Variants in GALNT17 observed in about 807,000 individuals in gnomAD.
The protein encoded by GALNT17 is UDP-GalNAc:polypeptide N-acetylgalactosaminyltransferase-like 3.
In GALNT17, 29 loss-of-function variants were observed where a neutral mutation model predicts 63.7. The observed-to-expected ratio is 0.46, with a 90% CI of 0.34 to 0.62. GALNT17 has a LOEUF of 0.62. Among genes scored for constraint, GALNT17 ranks in the 20% least tolerant of loss-of-function variants. GALNT17 has a pLI of 0.01. For missense variants in GALNT17, 603 were observed against 799.6 expected (o/e 0.75, Z 2.97); for synonymous variants, 305 against 318.3 (o/e 0.96, Z 0.45).
At chr7:71,192,484 C>G (rs576374435) in intron 1 of GALNT17, among the ~76,000 whole-genome samples, 1 of 151,998 alleles carries the variant, frequency 6.6e-6, no homozygotes, top group East Asian at 1.9e-4. Flanking sequence ...CAGCCTCTGC[C>G]TCCCAGGTTC....
At chr7:71,472,155 G>C (rs1787643027) in intron 5 of GALNT17, among the ~76,000 whole-genome samples, 1 of 152,006 alleles carries the variant, frequency 6.6e-6, no homozygotes, top group Non-Finnish European at 1.5e-5. Context: ...AAAGAGACAA[G>C]AGAGCTCTCT....
chr7:71,581,716 G>A (rs1789637922), intron 6 of GALNT17, among the ~76,000 whole-genome samples: 1 of 152,174 alleles, frequency 6.6e-6, no homozygotes, highest in South Asian at 2.1e-4. Context: ...GCAACTGACT[G>A]CAATCCCCTA....
rs1427866600 is a variant in GALNT17, at chr7:71,265,061, A to G, written c.239-70489A>G. Reference sequence around the variant, plus strand: ...CCCTGACTTGATCATGACACATTTGATGCATGTAACAAAATACCACACGTA... The same window carrying G: ...CCCTGACTTGATCATGACACATTTGGTGCATGTAACAAAATACCACACGTA... On this transcript the variant is annotated intron_variant, in intron 1 of 10. Transcript: ENST00000333538. Among the ~76,000 whole-genome samples, 19 of 141,772 alleles carry G rather than the reference A, an allele frequency of 1.3e-4. No individual in the cohort carries two copies. In the East Asian group the frequency reaches 3.7e-3, roughly 27 times the overall value. 93.0% of individuals were successfully genotyped at this position (141,772 alleles called of 152,430 possible). A position where few individuals can be genotyped will look rare whatever the true frequency, so the allele number is the denominator to read the frequency against.
At chr7:71,347,827 A>G (rs1169366908) in intron 2 of GALNT17, among the ~76,000 whole-genome samples, 1 of 152,118 alleles carries the variant, frequency 6.6e-6, no homozygotes, top group Non-Finnish European at 1.5e-5. Context: ...AGACTTTGTG[A>G]AAGTTGGAGG....
intron 9 of GALNT17, among the ~76,000 whole-genome samples, chr7:71,683,172 C>A (rs1399422206): frequency 6.6e-6 from 1 of 152,146 alleles, no homozygotes; most frequent in Non-Finnish European, 1.5e-5. Flanking sequence ...GTTAAGTGGG[C>A]CCCGGCTGCT....
chr7:71,418,804 C>T (rs927289232), intron 4 of GALNT17, among the ~76,000 whole-genome samples: 4 of 152,148 alleles, frequency 2.6e-5, no homozygotes, highest in East Asian at 1.9e-4. Context: ...AATTCTCAGC[C>T]GCAGAAATAT....
chr7:71,684,980 T>A (rs13310906), intron 9 of GALNT17, among the ~76,000 whole-genome samples: 80,849 of 151,534 alleles, frequency 0.53, 25,349 homozygotes, highest in East Asian at 0.84. Flanking sequence ...TGCTTTTTTT[T>A]TATTATTATT....
chr7:71,287,003 G>T (rs981869275), intron 1 of GALNT17, among the ~76,000 whole-genome samples: 1 of 151,876 alleles, frequency 6.6e-6, no homozygotes, highest in Admixed American at 6.6e-5. Context: ...CATGTTGCCC[G>T]GGCTAGTCTC....
chr7:71,334,500 A>G (rs372242539), intron 1 of GALNT17, among the ~76,000 whole-genome samples: 1 of 152,128 alleles, frequency 6.6e-6, no homozygotes, highest in Non-Finnish European at 1.5e-5. Flanking sequence ...TGTGCTGAGT[A>G]GCTGGAACAT....
chr7:71,365,536 A>T (rs1583892544), intron 2 of GALNT17, among the ~76,000 whole-genome samples: 1 of 152,170 alleles, frequency 6.6e-6, no homozygotes, highest in South Asian at 2.1e-4. Context: ...CACAGCGCCC[A>T]CCCAGGAGGA....
At chr7:71,701,828 C>T (rs200365460) in intron 9 of GALNT17, among the ~76,000 whole-genome samples, 2,214 of 9,778 alleles carry the variant, frequency 0.23, 40 homozygotes, top group Non-Finnish European at 0.39. Context: ...CATATATATA[C>T]ACATATATAT....
chr7:71,180,994 C>T (rs1412063450), intron 1 of GALNT17, among the ~76,000 whole-genome samples: 1 of 152,156 alleles, frequency 6.6e-6, no homozygotes, highest in Non-Finnish European at 1.5e-5. Context: ...GTGGCTCACT[C>T]CTGTAATCCC....
intron 5 of GALNT17, among the ~76,000 whole-genome samples, chr7:71,489,459 C>G (rs1010972717): frequency 3.3e-5 from 5 of 152,226 alleles, no homozygotes; most frequent in Non-Finnish European, 7.3e-5. Flanking sequence ...CTTAACTGTT[C>G]TGAGCCTGTG....
At position 71,132,776 on chromosome 7, in the gene GALNT17, C is replaced by T. The variant is rs767370895; in HGVS notation, c.-27C>T. 13 of 1,562,022 alleles carry T rather than the reference C, an allele frequency of 8.3e-6. No homozygotes were observed. In the East Asian group the frequency reaches 2.4e-4, roughly 28 times the overall value. On this transcript the variant is annotated 5_prime_UTR_variant, in exon 1 of 11. Transcript: ENST00000333538. ...GCCGGAGCCCGAGGGGGCGCAGGTC[C>T]GGGGCGAGGGCCGGCCGGGCTGTTT... is the stretch of plus-strand genomic sequence containing the variant.
At chr7:71,540,465 A>G (rs1313609240) in intron 5 of GALNT17, among the ~76,000 whole-genome samples, 1 of 151,850 alleles carries the variant, frequency 6.6e-6, no homozygotes, top group Non-Finnish European at 1.5e-5. Context: ...CATCTAGTAA[A>G]CAACTATGTA....
rs1214195779 is a variant in GALNT17 at position 71,693,303 on chromosome 7, C to CATATATATATATATATATATATAT, written c.1500+15998_1500+15999insTATATATATATATATATATATATA. Reference sequence around the variant, plus strand: ...ACACACACACACACACACACACACACACACACATATATATATATGGAGACA... The same window carrying CATATATATATATATATATATATAT: ...ACACACACACACACACACACACACACATATATATATATATATATATATATACACACATATATATATATGGAGACA... On this transcript the variant is annotated intron_variant, in intron 9 of 10. Transcript: ENST00000333538. Among the ~76,000 whole-genome samples, 17 of 121,978 alleles carry CATATATATATATATATATATATAT rather than the reference C, an allele frequency of 1.4e-4. 3 individuals carry two copies. In the South Asian group the frequency reaches 1.9e-3, roughly 14 times the overall value. The allele number at this position is 121,978 out of a possible 152,430, so 80.0% of individuals were successfully genotyped here.
chr7:71,180,316 G>A (rs559547288), intron 1 of GALNT17, among the ~76,000 whole-genome samples: 2 of 152,070 alleles, frequency 1.3e-5, no homozygotes, highest in East Asian at 3.9e-4. Flanking sequence ...AGTAGAGACG[G>A]GGTTTCACTC....
At chr7:71,500,579 A>G (rs1288717720) in intron 5 of GALNT17, among the ~76,000 whole-genome samples, 1 of 152,158 alleles carries the variant, frequency 6.6e-6, no homozygotes, top group Admixed American at 6.5e-5. Context: ...ATTACCTGCA[A>G]AGCAGTAACT....
chr7:71,647,523 T>C (rs947119003), intron 6 of GALNT17, among the ~76,000 whole-genome samples: 5 of 152,154 alleles, frequency 3.3e-5, no homozygotes, highest in Non-Finnish European at 7.4e-5. Flanking sequence ...CAAGCCCCAG[T>C]GACCCTAACT....
Sources: gnomAD v4.1 joint callset for allele counts (sites outside exome capture counted in the v4.1 genomes callset) on GRCh38, gnomAD v4.1.1 for gene constraint, MANE v1.5 for transcripts, NCBI Gene and HGNC (gene_info 2026-07-23, HGNC 2026-07-21) for gene names.